Variants in DPYSL4 observed in about 807,000 individuals in gnomAD.
DPYSL4 encodes dihydropyrimidinase like 4, also known as dihydropyrimidinase-related protein 4.
A neutral mutation model predicts 63.4 loss-of-function variants in DPYSL4; 43 were observed. That is an observed-to-expected ratio of 0.68 (90% CI 0.53 to 0.88). The LOEUF is 0.88. Ranked by LOEUF, DPYSL4 falls within the 40% of genes least tolerant of loss-of-function variation. DPYSL4 has a pLI of 0.00. For synonymous variants in DPYSL4, 353 were observed against 331.7 expected (o/e 1.06, Z -0.70); for missense variants, 733 against 819.5 (o/e 0.89, Z 1.29).
chr10:132,189,752 C>T (rs116378961), intron 1 of DPYSL4, among the ~76,000 whole-genome samples: 16 of 152,318 alleles, frequency 1.1e-4, no homozygotes, highest in Admixed American at 7.8e-4. Flanking sequence ...AGCAATGATC[C>T]GGCTCCCACT....
intron 1 of DPYSL4, among the ~76,000 whole-genome samples, chr10:132,188,425 G>A (rs2137495957): frequency 6.6e-6 from 1 of 152,336 alleles, no homozygotes; most frequent in East Asian, 1.9e-4. Context: ...TTGAAAATGC[G>A]TGGGTCCCCT....
At chr10:132,201,745 G>A (rs565940734) in intron 10 of DPYSL4, among the ~76,000 whole-genome samples, 26 of 152,324 alleles carry the variant, frequency 1.7e-4, no homozygotes, top group South Asian at 4.1e-4. Flanking sequence ...GGGTCCCAGC[G>A]GTCCAGCATC....
At position 132,186,994 on chromosome 10, in the gene DPYSL4, T is replaced by TCC; in HGVS notation, c.-65_-64dup. On this transcript the variant is annotated 5_prime_UTR_variant, in exon 1 of 14. Transcript: ENST00000338492. ...CCACGCACGCGTCCCGGCTCACGCG[T>TCC]CCCCCCGCCCGCCCGCCCGCCCGCC... is the stretch of plus-strand genomic sequence containing the variant. 2 of 217,372 alleles carry TCC rather than the reference T, an allele frequency of 9.2e-6. No homozygotes were observed. Among genetic ancestry groups the TCC allele is most frequent in the South Asian group, 7.5e-5 (1 of 13,406 alleles). The allele number at this position is 217,372 out of a possible 1,614,324, so 13.5% of individuals were successfully genotyped here.
At chr10:132,199,341 G>A (rs561411700) in intron 8 of DPYSL4, among the ~76,000 whole-genome samples, 3 of 152,300 alleles carry the variant, frequency 2.0e-5, no homozygotes, top group Non-Finnish European at 4.4e-5. Context: ...CCAGAGCCGG[G>A]GTGCTACCTG....
chr10:132,187,242 T>G, intron 1 of DPYSL4, 140 bp downstream of exon 1: 12 of 541,174 alleles, frequency 2.2e-5, no homozygotes, highest in Admixed American at 7.4e-5. Flanking sequence ...GCGCCCGCCC[T>G]TCCCTGCTCG....
In DPYSL4 at chr10:132,202,108, C is replaced by T. The variant is rs2062026055; in HGVS notation, c.1273C>T (p.His425Tyr). The change falls in exon 11 of 14, where the codon CAC (histidine) becomes TAC (tyrosine). Residue 425 changes from histidine (H) to tyrosine (Y), a missense_variant. Physicochemically the swap from His to Tyr is moderately conservative, Grantham distance 83. Coordinates refer to ENST00000338492, the MANE Select transcript of DPYSL4 (RefSeq NM_006426.3). ...CACCAAGATCATCTCTGCCAAGACCCACAATCTGGTAAGAGAAGGCGGCTG... is the reference window on the plus strand; with the variant it reads ...CACCAAGATCATCTCTGCCAAGACCTACAATCTGGTAAGAGAAGGCGGCTG... Reference protein sequence around the residue: ...KATKIISAKTHNLNVEYNIFE... With the variant: ...KATKIISAKTYNLNVEYNIFE... 1 of 1,612,004 alleles carries T rather than the reference C, an allele frequency of 6.2e-7. No homozygotes were observed. Among genetic ancestry groups the T allele is most frequent in the Non-Finnish European group, 8.5e-7 (1 of 1,179,458 alleles).
intron 2 of DPYSL4, chr10:132,192,383 A>G: frequency 9.1e-7 from 1 of 1,095,326 alleles, no homozygotes; most frequent in Non-Finnish European, 1.1e-6. Flanking sequence ...TCCGTCCTCT[A>G]GTCAAAAAAG....
chr10:132,190,521 GAGC>G (rs1050473840), intron 1 of DPYSL4, among the ~76,000 whole-genome samples: 1 of 152,262 alleles, frequency 6.6e-6, no homozygotes, highest in African/African-American at 2.4e-5. Flanking sequence ...AGCGAGGTCT[GAGC>G]AGCAGCTGTG....
intron 8 of DPYSL4, among the ~76,000 whole-genome samples, chr10:132,199,684 TG>T (rs1401229737): frequency 4.4e-5 from 1 of 22,598 alleles, no homozygotes; most frequent in African/African-American, 2.1e-4. Flanking sequence ...CTGGGCAGGG[TG>T]GGGGGCGGGG....
At position 132,198,833 on chromosome 10, in the gene DPYSL4, C is replaced by T. The variant is rs543034739; in HGVS notation, c.691-18C>T. ...CCAGGGCCCTCGTGTGGCCTCATCC[C>T]TCTCATCTCGTCCCCAGGTGGAGGC... On this transcript the variant is annotated intron_variant, in intron 7 of 13. Transcript: ENST00000338492. 1.9e-5 allele frequency: 31 copies of T among 1,612,484 alleles called. No homozygotes were observed. The African/African-American group carries it at 3.1e-4, about 16-fold the overall frequency.
intron 1 of DPYSL4, among the ~76,000 whole-genome samples, chr10:132,189,584 T>C (rs2061847688): frequency 6.6e-6 from 1 of 152,150 alleles, no homozygotes; most frequent in African/African-American, 2.4e-5. Flanking sequence ...CGAGCTGCAC[T>C]GGAACCGAGG....
chr10:132,188,000 G>C (rs1165134277), intron 1 of DPYSL4, among the ~76,000 whole-genome samples: 2 of 152,166 alleles, frequency 1.3e-5, no homozygotes. Context: ...CGAGCCGTGG[G>C]CTGTGGGCTC....
intron 6 of DPYSL4, among the ~76,000 whole-genome samples, chr10:132,197,390 C>T (rs1231072987): frequency 1.3e-5 from 2 of 152,222 alleles, no homozygotes; most frequent in Non-Finnish European, 2.9e-5. Context: ...CCCCAGGGAT[C>T]GAGGCCCCTC....
chr10:132,195,035 G>A, intron 4 of DPYSL4, 26 bp downstream of exon 4: 2 of 1,591,804 alleles, frequency 1.3e-6, no homozygotes, highest in East Asian at 2.2e-5. Context: ...GGGGCTGGAG[G>A]GCGGGCATGG....
chr10:132,189,989 G>A (rs937579426), intron 1 of DPYSL4, among the ~76,000 whole-genome samples: 1 of 152,178 alleles, frequency 6.6e-6, no homozygotes, highest in Non-Finnish European at 1.5e-5. Flanking sequence ...GCTGATGGCA[G>A]CTCAAGCCCT....
intron 1 of DPYSL4, among the ~76,000 whole-genome samples, chr10:132,190,029 G>T (rs1214056195): frequency 6.6e-6 from 1 of 152,224 alleles, no homozygotes; most frequent in Non-Finnish European, 1.5e-5. Flanking sequence ...CTGCTTCCTG[G>T]CTGGAACGCT....
intron 7 of DPYSL4, 146 bp downstream of exon 7, chr10:132,198,629 GC>G: frequency 9.4e-7 from 1 of 1,061,096 alleles, no homozygotes; most frequent in Non-Finnish European, 1.3e-6. Flanking sequence ...TCCTCCCCGT[GC>G]CAGGCACTTG....
At chr10:132,189,147 G>A (rs1290879698) in intron 1 of DPYSL4, among the ~76,000 whole-genome samples, 1 of 152,254 alleles carries the variant, frequency 6.6e-6, no homozygotes. Context: ...ACCTATGGGT[G>A]GGCCCTGGAA....
intron 8 of DPYSL4, among the ~76,000 whole-genome samples, chr10:132,200,053 C>G (rs2061991868): frequency 6.6e-6 from 1 of 152,186 alleles, no homozygotes; most frequent in Non-Finnish European, 1.5e-5. Flanking sequence ...CCTCGCAGCC[C>G]ACAGGCACGC....
Sources: gnomAD v4.1 joint callset for allele counts (sites outside exome capture counted in the v4.1 genomes callset) on GRCh38, gnomAD v4.1.1 for gene constraint, MANE v1.5 for transcripts, NCBI Gene and HGNC (gene_info 2026-07-23, HGNC 2026-07-21) for gene names.